PPP2CB: variants seen among roughly 807,000 people sequenced by gnomAD.
The protein encoded by PPP2CB is protein phosphatase 2 catalytic subunit beta, also known as serine/threonine-protein phosphatase 2A catalytic subunit beta isoform.
PPP2CB carries 18 observed loss-of-function variants against 39.1 expected under a neutral mutation model. That is an observed-to-expected ratio of 0.46 (90% CI 0.32 to 0.68). The LOEUF is 0.68. Ranked by LOEUF, PPP2CB falls within the 30% of genes least tolerant of loss-of-function variation. The pLI is 0.04. For missense variants in PPP2CB, 226 were observed against 396.9 expected, an observed-to-expected ratio of 0.57 and a Z score of 3.66; for synonymous variants, 129 against 133.8, an observed-to-expected ratio of 0.96 and a Z score of 0.25.
chr8:30,788,880 T>C (rs1806385332), intron 6 of PPP2CB, among the ~76,000 whole-genome samples: 1 of 152,148 alleles, frequency 6.6e-6, no homozygotes, highest in Non-Finnish European at 1.5e-5. Context: ...GGTTGAAAAA[T>C]TGGACATTAT....
At chr8:30,801,799 A>G (rs1806632778) in intron 1 of PPP2CB, among the ~76,000 whole-genome samples, 1 of 152,164 alleles carries the variant, frequency 6.6e-6, no homozygotes, top group Non-Finnish European at 1.5e-5. Context: ...TTGTACACAC[A>G]CTGTAGGAAT....
At chr8:30,786,506 A>ATTTTTTTTTTTTTT in intron 6 of PPP2CB, 199 bp from the exon 7 acceptor site, 1 of 384,866 alleles carries the variant, frequency 2.6e-6, no homozygotes. Context: ...TATGGTGAAA[A>ATTTTTTTTTTTTTT]TTTAAGAAGA....
At chr8:30,786,838 A>ATT (rs113733552) in intron 6 of PPP2CB, among the ~76,000 whole-genome samples, 4 of 149,258 alleles carry the variant, frequency 2.7e-5, no homozygotes, top group African/African-American at 7.4e-5. Flanking sequence ...TAATTTTCTT[A>ATT]TTTTTTTTTA....
At chr8:30,802,411 G>A (rs1053727141) in intron 1 of PPP2CB, among the ~76,000 whole-genome samples, 2 of 152,134 alleles carry the variant, frequency 1.3e-5, no homozygotes, top group African/African-American at 4.8e-5. Context: ...GGTTGTCTGG[G>A]AGGTAGGAGG....
Position 30,812,329 on chromosome 8 carries a change from C to A in PPP2CB, c.93G>T (p.Leu31=), listed in dbSNP as rs773082014. The stretch of plus-strand genomic sequence containing the variant: ...CCCGCGGCGCCCTCACCTTCTCGCA[C>A]AGCGTCCGCACTTGGTTCTCGTTCA... ...KQLNENQVRT[L]CEKAKEILTK... The change falls in exon 1 of 7, where the codon CTG becomes CTT. Residue 31 remains leucine (L), a synonymous_variant. Transcript: ENST00000221138. The A allele has an allele frequency of 7.8e-6, 12 of 1,535,934 alleles. No individual in the cohort carries two copies. Among genetic ancestry groups the A allele is most frequent in the Non-Finnish European group, 9.7e-6 (11 of 1,137,668 alleles).
intron 3 of PPP2CB, 37 bp downstream of exon 3, chr8:30,797,544 T>G (rs904890383): frequency 2.6e-6 from 4 of 1,541,638 alleles, no homozygotes; most frequent in Non-Finnish European, 3.5e-6. Flanking sequence ...CTGCTTCCAT[T>G]TACCTCCTCC....
At chr8:30,795,121 T>TA (rs1806499731) in intron 3 of PPP2CB, among the ~76,000 whole-genome samples, 2 of 138,112 alleles carry the variant, frequency 1.4e-5, no homozygotes, top group African/African-American at 2.6e-5. Context: ...TGATTTTGAT[T>TA]TTTTTTTTTT....
In PPP2CB at chr8:30,812,779, C is replaced by A. The variant is rs948644428; in HGVS notation, c.-358G>T. The A allele has an allele frequency of 2.1e-6, 1 of 466,652 alleles. No individual in the cohort carries two copies. Among genetic ancestry groups the A allele is most frequent in the Non-Finnish European group, 4.3e-6 (1 of 233,602 alleles). 28.9% of individuals were successfully genotyped at this position (466,652 alleles called of 1,614,324 possible). A position where few individuals can be genotyped will look rare whatever the true frequency, so the allele number is the denominator to read the frequency against. On this transcript the variant is annotated 5_prime_UTR_variant, in exon 1 of 7. Coordinates refer to ENST00000221138, the MANE Select transcript of PPP2CB (RefSeq NM_001009552.2). ...CCGCTGCCGCTTCAGGCCCGCCTCA[C>A]GCCTACCGGCCTCTCCCGACTTGTC...
intron 1 of PPP2CB, among the ~76,000 whole-genome samples, chr8:30,812,001 G>A (rs998963478): frequency 2.0e-5 from 3 of 152,154 alleles, no homozygotes; most frequent in African/African-American, 7.2e-5. Context: ...GTGGAGCGCA[G>A]GCGACCCCGA....
At chr8:30,791,764 A>G (rs934687165) in intron 5 of PPP2CB, among the ~76,000 whole-genome samples, 2 of 151,578 alleles carry the variant, frequency 1.3e-5, no homozygotes, top group African/African-American at 4.8e-5. Context: ...ATTAGAGCCT[A>G]TCTCATTCAT....
intron 5 of PPP2CB, among the ~76,000 whole-genome samples, chr8:30,791,944 ATG>A (rs1283176770): frequency 1.1e-4 from 17 of 148,408 alleles, no homozygotes; most frequent in African/African-American, 3.6e-4. Context: ...GTATACATGT[ATG>A]TGTGCGCATA....
intron 1 of PPP2CB, among the ~76,000 whole-genome samples, chr8:30,811,246 T>C (rs2128763256): frequency 6.6e-6 from 1 of 152,272 alleles, no homozygotes; most frequent in Non-Finnish European, 1.5e-5. Context: ...TTATATATAT[T>C]AAAAACAAAA....
chr8:30,786,705 C>T (rs1220366925), intron 6 of PPP2CB, among the ~76,000 whole-genome samples: 7 of 148,364 alleles, frequency 4.7e-5, no homozygotes, highest in Middle Eastern at 3.2e-3. Flanking sequence ...GCTCTGTCGC[C>T]CAGGCTGGAG....
chr8:30,787,843 T>C (rs918965362), intron 6 of PPP2CB, among the ~76,000 whole-genome samples: 2 of 148,638 alleles, frequency 1.3e-5, no homozygotes, highest in Non-Finnish European at 1.5e-5. Flanking sequence ...CTGGGATTTA[T>C]AGGTGTGAGC....
At chr8:30,790,952 T>C (rs1367860232) in intron 6 of PPP2CB, 2 of 357,812 alleles carry the variant, frequency 5.6e-6, no homozygotes, top group African/African-American at 4.4e-5. Flanking sequence ...ACGGCTATTA[T>C]TACTGAGATT....
At position 30,786,145 on chromosome 8, in the gene PPP2CB, T is replaced by C. The variant is rs988599143; in HGVS notation, c.*90A>G. On this transcript the variant is annotated 3_prime_UTR_variant, in exon 7 of 7. Coordinates refer to ENST00000221138, the MANE Select transcript of PPP2CB (RefSeq NM_001009552.2). ...GATCCCAATTTGTTACAGAAACACATAGATTACTGTTGCTTTTTGTTTTTA... is the reference window on the plus strand; with the variant it reads ...GATCCCAATTTGTTACAGAAACACACAGATTACTGTTGCTTTTTGTTTTTA... The C allele has an allele frequency of 6.2e-6, 7 of 1,135,928 alleles. No homozygotes were observed. Among genetic ancestry groups the C allele is most frequent in the Admixed American group, 4.9e-5 (2 of 40,838 alleles). The allele number at this position is 1,135,928 out of a possible 1,614,324, so 70.4% of individuals were successfully genotyped here.
At chr8:30,808,008 T>C (rs1317899353) in intron 1 of PPP2CB, among the ~76,000 whole-genome samples, 1 of 152,208 alleles carries the variant, frequency 6.6e-6, no homozygotes, top group Non-Finnish European at 1.5e-5. Flanking sequence ...TTGTAGTCAT[T>C]CACCCACTGG....
chr8:30,786,802 T>G (rs1329600262), intron 6 of PPP2CB, among the ~76,000 whole-genome samples: 3 of 151,404 alleles, frequency 2.0e-5, no homozygotes, highest in Admixed American at 1.3e-4. Context: ...TAGCTGGGAC[T>G]ACAGGAACCC....
chr8:30,809,139 C>T (rs535360568), intron 1 of PPP2CB, among the ~76,000 whole-genome samples: 93 of 151,482 alleles, frequency 6.1e-4, no homozygotes, highest in South Asian at 1.0e-3. Flanking sequence ...GTCTTGAACT[C>T]CTGGCCTCAA....
Sources: allele counts gnomAD v4.1 joint callset (sites outside exome capture counted in the v4.1 genomes callset), GRCh38; gene constraint gnomAD v4.1.1; transcripts MANE v1.5; gene names NCBI Gene and HGNC (gene_info 2026-07-23, HGNC 2026-07-21).